The following POFUT3 variants were observed in gnomAD, a reference collection of about 807,000 sequenced individuals.
POFUT3 encodes the protein GDP-fucose protein O-fucosyltransferase 3.
At chr8:33,455,865 C>T in the POFUT3 span, 1 of 451,190 alleles carries the variant, frequency 2.2e-6, no homozygotes, top group Non-Finnish European at 4.4e-6. Context: ...GGGCCCGTGA[C>T]TTTCATTAGA....
At chr8:33,436,389 G>C in the POFUT3 span, 4 of 1,406,048 alleles carry the variant, frequency 2.8e-6, no homozygotes, top group African/African-American at 2.8e-5. Flanking sequence ...TTCAACGACC[G>C]TCTGGACCAT....
At chr8:33,439,186 G>T in the POFUT3 span, among the ~76,000 whole-genome samples, 1 of 152,022 alleles carries the variant, frequency 6.6e-6, no homozygotes, top group African/African-American at 2.4e-5. Flanking sequence ...GGGTGGATCA[G>T]TTCAGGTCAG....
At chr8:33,419,584 C>T in the POFUT3 span, among the ~76,000 whole-genome samples, 1 of 152,176 alleles carries the variant, frequency 6.6e-6, no homozygotes, top group African/African-American at 2.4e-5. Context: ...CACGGACAGG[C>T]CCTGACGTTG....
the POFUT3 span, among the ~76,000 whole-genome samples, chr8:33,426,293 G>C: frequency 1.3e-5 from 2 of 152,172 alleles, no homozygotes; most frequent in Non-Finnish European, 2.9e-5. Context: ...AGTATTGAAT[G>C]AGTAGGAAAA....
chr8:33,432,695 T>C, the POFUT3 span, among the ~76,000 whole-genome samples: 35 of 152,284 alleles, frequency 2.3e-4, no homozygotes, highest in Admixed American at 2.2e-3. Context: ...ATGCTGCTTA[T>C]ATAAAGGCCT....
the POFUT3 span, chr8:33,389,165 A>G: frequency 4.3e-6 from 7 of 1,614,162 alleles, no homozygotes; most frequent in Non-Finnish European, 5.1e-6. Flanking sequence ...CAGTCGTCTG[A>G]TGTAACTTGC....
chr8:33,413,677 CAACT>C, the POFUT3 span, among the ~76,000 whole-genome samples: 2 of 152,142 alleles, frequency 1.3e-5, no homozygotes, highest in Admixed American at 6.5e-5. Context: ...CTTATTGCAC[CAACT>C]AAGTGGGAAT....
the POFUT3 span, among the ~76,000 whole-genome samples, chr8:33,468,026 G>C: frequency 2.6e-5 from 4 of 152,180 alleles, no homozygotes; most frequent in Middle Eastern, 3.4e-3. Context: ...GATCACCTAA[G>C]GTCAGGAGTT....
chr8:33,418,543 T>A, the POFUT3 span, among the ~76,000 whole-genome samples: 20 of 151,862 alleles, frequency 1.3e-4, no homozygotes, highest in Non-Finnish European at 2.6e-4. Flanking sequence ...CCTCAGGTGA[T>A]CTGCCCACCT....
chr8:33,457,652 C>T, the POFUT3 span, among the ~76,000 whole-genome samples: 5 of 152,004 alleles, frequency 3.3e-5, no homozygotes, highest in African/African-American at 1.2e-4. Context: ...AAGTTCCTAG[C>T]TCCAAAGTGA....
chr8:33,340,628 C>A, the POFUT3 span, among the ~76,000 whole-genome samples: 1 of 151,620 alleles, frequency 6.6e-6, no homozygotes, highest in Admixed American at 6.6e-5. Flanking sequence ...CAAAGAAAAG[C>A]AACATTGGTA....
the POFUT3 span, chr8:33,455,842 A>C: frequency 2.2e-6 from 1 of 456,160 alleles, no homozygotes; most frequent in Admixed American, 2.4e-5. Context: ...TGGAGTCTGT[A>C]ACTCCCTGGG....
chr8:33,335,090 G>T, the POFUT3 span, among the ~76,000 whole-genome samples: 5 of 151,902 alleles, frequency 3.3e-5, no homozygotes, highest in African/African-American at 1.2e-4. Flanking sequence ...TAAGAGTTAA[G>T]ATCTGAGCAA....
the POFUT3 span, among the ~76,000 whole-genome samples, chr8:33,381,259 C>A: frequency 1.3e-5 from 2 of 152,186 alleles, no homozygotes; most frequent in African/African-American, 4.8e-5. Context: ...TTTTGTTCAG[C>A]TTAAATACAG....
the POFUT3 span, among the ~76,000 whole-genome samples, chr8:33,424,873 C>T: frequency 9.8e-5 from 15 of 152,304 alleles, no homozygotes; most frequent in African/African-American, 2.9e-4. Context: ...GAACGCACAG[C>T]ACTTACTGAG....
the POFUT3 span, among the ~76,000 whole-genome samples, chr8:33,327,730 C>T: frequency 6.6e-6 from 1 of 152,194 alleles, no homozygotes. Context: ...AAACACTGCA[C>T]AAATTCTAAA....
At chr8:33,394,451 G>A in the POFUT3 span, among the ~76,000 whole-genome samples, 2 of 152,026 alleles carry the variant, frequency 1.3e-5, no homozygotes, top group African/African-American at 4.8e-5. Flanking sequence ...TACCCACAAT[G>A]TCCAGACTGA....
chr8:33,359,771 C>G, the POFUT3 span, among the ~76,000 whole-genome samples: 1 of 152,134 alleles, frequency 6.6e-6, no homozygotes, highest in Non-Finnish European at 1.5e-5. Context: ...TTTGGGAGGC[C>G]GAGGTGGGCA....
the POFUT3 span, among the ~76,000 whole-genome samples, chr8:33,362,962 A>G: frequency 6.6e-6 from 1 of 152,230 alleles, no homozygotes; most frequent in Non-Finnish European, 1.5e-5. Flanking sequence ...AATCAACAGA[A>G]TATACATTCT....
Sources: gnomAD v4.1 joint callset for allele counts (sites outside exome capture counted in the v4.1 genomes callset) on GRCh38, gnomAD v4.1.1 for gene constraint, MANE v1.5 for transcripts, NCBI Gene and HGNC (gene_info 2026-07-23, HGNC 2026-07-21) for gene names.